The following SKOR1 variants were observed in gnomAD, a reference collection of about 807,000 sequenced individuals.
The protein encoded by SKOR1 is SKI family transcriptional corepressor 1.
SKOR1 carries 38 observed loss-of-function variants against 72.4 expected under a neutral mutation model. The ratio of observed to expected loss-of-function variants is 0.52; its 90% CI spans 0.40 to 0.69. The LOEUF (loss-of-function observed/expected upper bound fraction) is 0.69, where lower values mean the gene tolerates loss of function less well. Ranked by LOEUF, SKOR1 falls within the 30% of genes least tolerant of loss-of-function variation. The probability of loss-of-function intolerance (pLI) is 0.00; values close to 1 mark genes in which losing one functional copy is unlikely to be tolerated. For missense variants in SKOR1, 1,320 were observed against 1,343.2 expected (o/e 0.98, Z 0.27); for synonymous variants, 642 against 599.4 (o/e 1.07, Z -1.04).
chr15:67,830,211 C>A lies in SKOR1; in HGVS notation c.2428C>A (p.His810Asn), dbSNP rs750867476. The A allele has an allele frequency of 6.2e-7, 1 of 1,614,184 alleles. No homozygotes were observed. ...TCAAGAGCCAGATAAGGAAGACAAT[C>A]ACTCGCCCGCCGATGATTTGGAAAC... ...EAHEPDKEDNHSPADDLETRK... is the reference protein window; with the variant it reads ...EAHEPDKEDNNSPADDLETRK... The change falls in exon 4 of 9, where the codon CAC becomes AAC. Residue 810 changes from histidine to asparagine, a missense_variant. Physicochemically the swap from His to Asn is moderately conservative, Grantham distance 68. Transcript: ENST00000380035.
At position 67,833,643 on chromosome 15, in the gene SKOR1, C is replaced by A. The variant is rs2091025725; in HGVS notation, c.2804-99C>A. On this transcript the variant is annotated intron_variant, in intron 8 of 8. Coordinates refer to ENST00000380035, the MANE Select transcript of SKOR1 (RefSeq NM_001365915.1). The surrounding 1 kb of genome is among the most constrained non-coding windows in gnomAD (Gnocchi z 6.0). ...ATCCGCTCGGTTGAGATTCCCTGAC[C>A]CCAAAGGGTTGGTAAGGCCGGGGAG... The A allele has an allele frequency of 1.6e-6, 2 of 1,276,194 alleles. No individual in the cohort carries two copies. The highest frequency in any genetic ancestry group is 2.3e-6 in the Non-Finnish European group (2 of 880,166). The allele number at this position is 1,276,194 out of a possible 1,614,324, so 79.1% of individuals were successfully genotyped here. A position where few individuals can be genotyped will look rare whatever the true frequency, so the allele number is the denominator to read the frequency against.
In SKOR1 at chr15:67,826,783, G is replaced by A. The variant is rs1346466487; in HGVS notation, c.955G>A (p.Gly319Ser). The change falls in exon 2 of 9, where the codon GGC (glycine) becomes AGC (serine). Residue 319 changes from glycine (G) to serine (S), a missense_variant. Physicochemically the swap from Gly to Ser is moderately conservative, Grantham distance 56. Transcript: ENST00000380035. ...GPGCGAEMAP[G>S]PPPHKSLRCG... ...AGGGTGCGGTGCAGAGATGGCCCCA[G>A]GCCCGCCGCCCCACAAAAGCCTGCG... 9 of 1,532,200 alleles carry A rather than the reference G, an allele frequency of 5.9e-6. No homozygotes were observed. Among genetic ancestry groups the A allele is most frequent in the Admixed American group, 2.0e-5 (1 of 50,824 alleles). 94.9% of individuals were successfully genotyped at this position (1,532,200 alleles called of 1,614,324 possible).
Position 67,832,498 on chromosome 15 carries a change from T to C in SKOR1, c.2663-109T>C, listed in dbSNP as rs1018431645. 7 of 1,273,148 alleles carry C rather than the reference T, an allele frequency of 5.5e-6. No homozygotes were observed. In the African/African-American group the frequency reaches 8.9e-5, roughly 16 times the overall value. The allele number at this position is 1,273,148 out of a possible 1,614,324, so 78.9% of individuals were successfully genotyped here. ...GTCCTTTTCCAGGGCTGCAGGCGAA[T>C]GGCTGGGTGGGAGTTGGGGGTAGGG... On this transcript the variant is annotated intron_variant, in intron 6 of 8. Transcript: ENST00000380035. The surrounding 1 kb of genome is among the most constrained non-coding windows in gnomAD (Gnocchi z 4.5).
In SKOR1 at chr15:67,827,658, G is replaced by C. The variant is rs1170783169; in HGVS notation, c.1830G>C (p.Gly610=). 6.5e-7 allele frequency: 1 copy of C among 1,532,166 alleles called. No individual in the cohort carries two copies. The highest frequency in any genetic ancestry group is 8.7e-7 in the Non-Finnish European group (1 of 1,143,024). The allele number at this position is 1,532,166 out of a possible 1,614,324, so 94.9% of individuals were successfully genotyped here. ...CCGAGAGCATCGCTAAGCTCTACGG[G>C]AGCGCCCGGGAGGCGTACGGCGCGG... The part of the protein sequence containing the change: ...KDTESIAKLY[G]SAREAYGAGP... Residue 610 remains glycine (G), a synonymous_variant, in exon 2 of 9, where the codon GGG becomes GGC. Coordinates refer to ENST00000380035, the MANE Select transcript of SKOR1 (RefSeq NM_001365915.1).
At chr15:67,829,755 T>G (rs1322475590) in intron 3 of SKOR1, among the ~76,000 whole-genome samples, 1 of 152,066 alleles carries the variant, frequency 6.6e-6, no homozygotes, top group Admixed American at 6.5e-5. Flanking sequence ...GAGGAGGGGT[T>G]GGGGGCAGCG....
At chr15:67,831,209 A>G (rs572335115) in intron 5 of SKOR1, among the ~76,000 whole-genome samples, 9 of 152,210 alleles carry the variant, frequency 5.9e-5, no homozygotes, top group Non-Finnish European at 1.0e-4. Flanking sequence ...AGAATTTTTG[A>G]TGCCTGTGGA....
At chr15:67,831,910 G>GGGGGCGGGC (rs2091010978) in intron 5 of SKOR1, among the ~76,000 whole-genome samples, 1 of 147,382 alleles carries the variant, frequency 6.8e-6, no homozygotes, top group African/African-American at 2.6e-5. Flanking sequence ...GTGCGGGGGG[G>GGGGGCGGGC]GGAGGTCGGG....
rs1003407783 is a variant in SKOR1, at chr15:67,833,564, C to T, written c.2804-178C>T. On this transcript the variant is annotated intron_variant, in intron 8 of 8. Coordinates refer to ENST00000380035, the MANE Select transcript of SKOR1 (RefSeq NM_001365915.1). This position sits in a 1 kb window ranked among gnomAD's most constrained non-coding sequence, Gnocchi z 6.0. ...TTTCTGTAAAATGGGGCTACTGAAC[C>T]AGAGCAGTGGTTCTGAATCACCAGC... Among the ~76,000 whole-genome samples the T allele has an allele frequency of 2.0e-5, 3 of 152,210 alleles. No individual in the cohort carries two copies. Among genetic ancestry groups the T allele is most frequent in the African/African-American group, 7.2e-5 (3 of 41,448 alleles).
In SKOR1 at chr15:67,827,497, C is replaced by G; in HGVS notation, c.1669C>G (p.Leu557Val). 1 of 1,522,780 alleles carries G rather than the reference C, an allele frequency of 6.6e-7. No individual in the cohort carries two copies. Among genetic ancestry groups the G allele is most frequent in the Non-Finnish European group, 8.8e-7 (1 of 1,142,306 alleles). The allele number at this position is 1,522,780 out of a possible 1,614,324, so 94.3% of individuals were successfully genotyped here. ...LGAEERCPSALSRGPLDEDGT... is the reference protein window; with the variant it reads ...LGAEERCPSAVSRGPLDEDGT... ...CGCGGAGGAGCGCTGCCCGAGCGCT[C>G]TGTCCCGCGGGCCCCTGGACGAAGA... The change falls in exon 2 of 9, where the codon CTG becomes GTG. Residue 557 changes from leucine (L) to valine (V), a missense_variant. Transcript: ENST00000380035.
chr15:67,826,374 T>C lies in SKOR1; in HGVS notation c.546T>C (p.Asp182=). 1 of 1,613,814 alleles carries C rather than the reference T, an allele frequency of 6.2e-7. No homozygotes were observed. ...PPKLPENFAF[D]VVHECAWGSR... is the part of the protein sequence containing the mutation. Reference sequence around the variant, plus strand: ...AGCTGCCCGAGAACTTCGCCTTCGATGTGGTGCACGAGTGCGCGTGGGGCT... The same window carrying C: ...AGCTGCCCGAGAACTTCGCCTTCGACGTGGTGCACGAGTGCGCGTGGGGCT... Residue 182 remains aspartate, a synonymous_variant, in exon 2 of 9, where the codon GAT becomes GAC. Transcript: ENST00000380035.
chr15:67,827,321 T>C lies in SKOR1; in HGVS notation c.1493T>C (p.Leu498Pro). 6.3e-7 allele frequency: 1 copy of C among 1,588,380 alleles called. No individual in the cohort carries two copies. Among genetic ancestry groups the C allele is most frequent in the South Asian group, 1.1e-5 (1 of 90,022 alleles). Residue 498 changes from leucine to proline, a missense_variant, in exon 2 of 9, where the codon CTC becomes CCC. Physicochemically the swap from Leu to Pro is moderately conservative, Grantham distance 98. Transcript: ENST00000380035. ...FPMFWPAAGS[L>P]PVPSYPAAQS... ...ATGTTCTGGCCAGCAGCAGGCAGCC[T>C]CCCGGTACCGTCCTACCCCGCTGCT... is the stretch of plus-strand genomic sequence containing the variant.
Position 67,827,038 on chromosome 15 carries a change from G to A in SKOR1, c.1210G>A (p.Gly404Ser). Residue 404 changes from glycine to serine, a missense_variant, in exon 2 of 9, where the codon GGC (glycine) becomes AGC (serine). Gly to Ser is a moderately conservative substitution (Grantham distance 56). Coordinates refer to ENST00000380035, the MANE Select transcript of SKOR1 (RefSeq NM_001365915.1). ...TCCTTACGGCTTCCCTACGGCCTTC[G>A]GCCTATGCCCCAAAAAGGACGACCC... is the stretch of plus-strand genomic sequence containing the variant. ...PHPYGFPTAF[G>S]LCPKKDDPVL... 2 of 1,574,240 alleles carry A rather than the reference G, an allele frequency of 1.3e-6. No homozygotes were observed. Among genetic ancestry groups the A allele is most frequent in the African/African-American group, 1.4e-5 (1 of 72,428 alleles).
Position 67,833,274 on chromosome 15 carries a change from A to G in SKOR1, c.2803+17A>G. 2 of 1,613,970 alleles carry G rather than the reference A, an allele frequency of 1.2e-6. No individual in the cohort carries two copies. The highest frequency in any genetic ancestry group is 2.2e-5 in the South Asian group (2 of 91,060). ...AATTGAAAGGTGCGGAAGCCGGGAA[A>G]CAAAGATAGGAGGGGTGCTGGGTGC... On this transcript the variant is annotated intron_variant, in intron 8 of 8. Transcript: ENST00000380035. The surrounding 1 kb of genome is among the most constrained non-coding windows in gnomAD (Gnocchi z 6.0).
At chr15:67,830,143 G>A (rs770662990) in intron 3 of SKOR1, 48 bp from the exon 4 acceptor site, 21 of 1,593,430 alleles carry the variant, frequency 1.3e-5, no homozygotes, top group Non-Finnish European at 1.6e-5. Context: ...GCAGTATCCG[G>A]GTCACGGTTT....
rs747966049 is a variant in SKOR1 at position 67,833,720 on chromosome 15, A to C, written c.2804-22A>C. The stretch of plus-strand genomic sequence containing the variant: ...TGAGCCTGGAGAGGCGCCCAGAGTG[A>C]CCCTCGCGACTGTCTCCCCAGAAGC... On this transcript the variant is annotated intron_variant, in intron 8 of 8. Transcript: ENST00000380035. The surrounding 1 kb of genome is among the most constrained non-coding windows in gnomAD (Gnocchi z 6.0). 6 of 1,610,966 alleles carry C rather than the reference A, an allele frequency of 3.7e-6. No individual in the cohort carries two copies. Among genetic ancestry groups the C allele is most frequent in the Non-Finnish European group, 5.1e-6 (6 of 1,178,286 alleles).
In SKOR1 at chr15:67,832,668, G is replaced by A. The variant is rs1184573106; in HGVS notation, c.2724G>A (p.Leu908=). The change falls in exon 7 of 9, where the codon CTG becomes CTA. Residue 908 remains leucine (L), a synonymous_variant. Coordinates refer to ENST00000380035, the MANE Select transcript of SKOR1 (RefSeq NM_001365915.1). The surrounding 1 kb of genome is among the most constrained non-coding windows in gnomAD (Gnocchi z 4.5). ...ATCGAGAAGAAATGGTGCAACAGCT[G>A]CAAATTGTCAGAGGTAAGACGGGAG... ...LAYREEMVQQ[L]QIVRDTLCNE... is the part of the protein sequence containing the mutation. 6.2e-7 allele frequency: 1 copy of A among 1,614,100 alleles called. No individual in the cohort carries two copies. Among genetic ancestry groups the A allele is most frequent in the East Asian group, 2.2e-5 (1 of 44,888 alleles).
In SKOR1 at chr15:67,826,548, C is replaced by A; in HGVS notation, c.720C>A (p.Ala240=). The change falls in exon 2 of 9, where the codon GCC becomes GCA. Residue 240 remains alanine, a synonymous_variant. Coordinates refer to ENST00000380035, the MANE Select transcript of SKOR1 (RefSeq NM_001365915.1). The part of the protein sequence containing the change: ...PDAKYTQPDA[A]NFNSWRRHLK... ...CCAAGTACACGCAGCCCGATGCCGC[C>A]AACTTCAACTCCTGGCGTCGTCACC... is the stretch of plus-strand genomic sequence containing the variant. 6.2e-7 allele frequency: 1 copy of A among 1,614,002 alleles called. No individual in the cohort carries two copies. The highest frequency in any genetic ancestry group is 1.7e-5 in the Admixed American group (1 of 60,028).
At chr15:67,828,944 G>A (rs920240106) in intron 2 of SKOR1, among the ~76,000 whole-genome samples, 1 of 152,228 alleles carries the variant, frequency 6.6e-6, no homozygotes. Flanking sequence ...AACGCCCCTC[G>A]GCTTGGGAGC....
Position 67,825,530 on chromosome 15 carries a change from G to A in SKOR1, c.-73G>A. ...CCCCGAAGTCCGGGCTTCAGGACCC[G>A]GGCCGGCAGCACCGGCTGCGAGGGT... On this transcript the variant is annotated 5_prime_UTR_variant, in exon 1 of 9. Coordinates refer to ENST00000380035, the MANE Select transcript of SKOR1 (RefSeq NM_001365915.1). This position sits in a 1 kb window ranked among gnomAD's most constrained non-coding sequence, Gnocchi z 5.6. 3 of 507,710 alleles carry A rather than the reference G, an allele frequency of 5.9e-6. No individual in the cohort carries two copies. Among genetic ancestry groups the A allele is most frequent in the South Asian group, 3.1e-5 (2 of 64,724 alleles). 31.5% of individuals were successfully genotyped at this position (507,710 alleles called of 1,614,324 possible).
Sources: gnomAD v4.1 joint callset for allele counts (sites outside exome capture counted in the v4.1 genomes callset) on GRCh38, gnomAD v4.1.1 for gene constraint, Gnocchi (gnomAD v3.1) non-coding constraint, MANE v1.5 for transcripts, NCBI Gene and HGNC (gene_info 2026-07-23, HGNC 2026-07-21) for gene names.